The following AHCYL2 variants were observed in gnomAD, a reference collection of about 807,000 sequenced individuals.
AHCYL2 encodes S-adenosylhomocysteine hydrolase-like protein 2.
A neutral mutation model predicts 81.4 loss-of-function variants in AHCYL2; 28 were observed. The ratio of observed to expected loss-of-function variants is 0.34; its 90% confidence interval spans 0.25 to 0.47. The LOEUF (loss-of-function observed/expected upper bound fraction) is 0.47. Ranked by LOEUF, AHCYL2 falls within the 20% of genes least tolerant of loss-of-function variation. The probability of loss-of-function intolerance (pLI) is 1.00; values close to 1 mark genes in which losing one functional copy is unlikely to be tolerated. For missense variants in AHCYL2, 551 were observed against 785.1 expected (o/e 0.70, Z 3.56); for synonymous variants, 272 against 290.2 (o/e 0.94, Z 0.64).
chr7:129,380,989 A>T (rs1056899599), intron 2 of AHCYL2, among the ~76,000 whole-genome samples: 55 of 152,170 alleles, frequency 3.6e-4, no homozygotes, highest in African/African-American at 1.3e-3. Context: ...GATTCTCCTC[A>T]GCCTACCAAA....
At chr7:129,371,135 CA>C (rs1238701853) in intron 1 of AHCYL2, among the ~76,000 whole-genome samples, 1 of 152,122 alleles carries the variant, frequency 6.6e-6, no homozygotes, top group Non-Finnish European at 1.5e-5. Context: ...CATGTTGGGC[CA>C]AAGTTTCAAT....
At chr7:129,321,394 C>T in intron 1 of AHCYL2, among the ~76,000 whole-genome samples, 1 of 152,162 alleles carries the variant, frequency 6.6e-6, no homozygotes, top group East Asian at 1.9e-4. Context: ...TTTGGAAATA[C>T]TTTTTCTGCA....
At chr7:129,304,952 CTCTT>C (rs1797380878) in intron 1 of AHCYL2, among the ~76,000 whole-genome samples, 1 of 150,390 alleles carries the variant, frequency 6.6e-6, no homozygotes, top group Non-Finnish European at 1.5e-5. Flanking sequence ...TTTTGGTCTT[CTCTT>C]TCTTCTTTTC....
At chr7:129,237,869 C>G (rs1006931093) in intron 1 of AHCYL2, among the ~76,000 whole-genome samples, 1 of 152,052 alleles carries the variant, frequency 6.6e-6, no homozygotes, top group East Asian at 1.9e-4. Context: ...AGGTGCCCAC[C>G]ACTGCACCCA....
chr7:129,344,101 C>T (rs1793279913), intron 1 of AHCYL2, among the ~76,000 whole-genome samples: 1 of 152,070 alleles, frequency 6.6e-6, no homozygotes, highest in Non-Finnish European at 1.5e-5. Context: ...GCTAGAATGG[C>T]TAAAATTAAA....
intron 10 of AHCYL2, 50 bp from the exon 11 acceptor site, chr7:129,409,426 G>A (rs997873146): frequency 8.8e-6 from 13 of 1,479,840 alleles, no homozygotes; most frequent in South Asian, 1.2e-5. Context: ...TGTGTTAAAA[G>A]GCTCCCCAGC....
At chr7:129,416,178 A>G (rs1016883475) in intron 12 of AHCYL2, among the ~76,000 whole-genome samples, 46 of 152,134 alleles carry the variant, frequency 3.0e-4, no homozygotes, top group African/African-American at 1.1e-3. Context: ...CATGATGGTA[A>G]TCTCTCCTTC....
intron 1 of AHCYL2, among the ~76,000 whole-genome samples, chr7:129,319,440 ACT>A (rs1434637675): frequency 2.0e-5 from 3 of 151,088 alleles, no homozygotes; most frequent in Non-Finnish European, 2.9e-5. Context: ...ACAGAGTGAG[ACT>A]CTGTCGCAAA....
chr7:129,309,262 G>T (rs909028686), intron 1 of AHCYL2, among the ~76,000 whole-genome samples: 2 of 150,758 alleles, frequency 1.3e-5, no homozygotes, highest in Admixed American at 6.6e-5. Context: ...GGTTATGTCA[G>T]GTACAGTGGC....
At chr7:129,394,593 A>G (rs1232591108) in intron 4 of AHCYL2, among the ~76,000 whole-genome samples, 1 of 151,888 alleles carries the variant, frequency 6.6e-6, no homozygotes, top group Non-Finnish European at 1.5e-5. Flanking sequence ...GATTAAAGGC[A>G]TGTGGCACCA....
At chr7:129,323,917 T>G (rs1274577637) in intron 1 of AHCYL2, among the ~76,000 whole-genome samples, 1 of 148,730 alleles carries the variant, frequency 6.7e-6, no homozygotes, top group East Asian at 2.0e-4. Context: ...TTCGCCCAGG[T>G]TGGAGTGCAA....
At chr7:129,400,818 T>C (rs1213422429) in intron 6 of AHCYL2, among the ~76,000 whole-genome samples, 2 of 152,004 alleles carry the variant, frequency 1.3e-5, no homozygotes, top group Admixed American at 1.3e-4. Context: ...TAGTCAGGAC[T>C]AGAAAAAAAA....
intron 1 of AHCYL2, among the ~76,000 whole-genome samples, chr7:129,273,344 T>TTC (rs1796084801): frequency 6.8e-6 from 1 of 147,678 alleles, no homozygotes; most frequent in Non-Finnish European, 1.5e-5. Flanking sequence ...TTTTTTTTTT[T>TTC]TGAGACGGAG....
At chr7:129,384,895 A>G (rs1203158277) in intron 2 of AHCYL2, among the ~76,000 whole-genome samples, 2 of 152,240 alleles carry the variant, frequency 1.3e-5, no homozygotes, top group Non-Finnish European at 2.9e-5. Flanking sequence ...ACCCAGGTTG[A>G]AAAACGCTGC....
Position 129,354,142 on chromosome 7 carries a change from G to A in AHCYL2, c.364-25496G>A, listed in dbSNP as rs371374739. Reference sequence around the variant, plus strand: ...GGATATACTGTAATAAGTTTAGAAAGCCAAGGAGTTTGGCATTGAAGGCAA... The same window carrying A: ...GGATATACTGTAATAAGTTTAGAAAACCAAGGAGTTTGGCATTGAAGGCAA... On this transcript the variant is annotated intron_variant, in intron 1 of 16. Coordinates refer to ENST00000325006, the MANE Select transcript of AHCYL2 (RefSeq NM_015328.4). Among the ~76,000 whole-genome samples the A allele has an allele frequency of 2.5e-3, 385 of 152,214 alleles. 3 individuals are homozygous for A. The highest frequency in any genetic ancestry group is 4.1e-3 in the Non-Finnish European group (277 of 68,000).
chr7:129,338,188 G>T (rs1055389353), intron 1 of AHCYL2, among the ~76,000 whole-genome samples: 1 of 151,812 alleles, frequency 6.6e-6, no homozygotes, highest in Non-Finnish European at 1.5e-5. Flanking sequence ...TAAGAGACAG[G>T]GTCTTGCTCT....
chr7:129,249,734 T>C (rs1468931614), intron 1 of AHCYL2, among the ~76,000 whole-genome samples: 2 of 152,224 alleles, frequency 1.3e-5, no homozygotes, highest in Non-Finnish European at 2.9e-5. Context: ...CTAAACATTG[T>C]CTTCTTTTCC....
intron 1 of AHCYL2, among the ~76,000 whole-genome samples, chr7:129,314,511 A>G (rs1004682767): frequency 1.3e-5 from 2 of 152,192 alleles, no homozygotes; most frequent in Non-Finnish European, 2.9e-5. Context: ...CAAGGCACCA[A>G]TAGATTCAGT....
intron 1 of AHCYL2, among the ~76,000 whole-genome samples, chr7:129,342,665 A>G (rs1435652867): frequency 6.6e-6 from 1 of 152,206 alleles, no homozygotes; most frequent in African/African-American, 2.4e-5. Context: ...ATGTATAAGC[A>G]TATAAAATTA....
Sources: allele counts gnomAD v4.1 joint callset (sites outside exome capture counted in the v4.1 genomes callset), GRCh38; gene constraint gnomAD v4.1.1; transcripts MANE v1.5; gene names NCBI Gene and HGNC (gene_info 2026-07-23, HGNC 2026-07-21).